Variants in LINGO2 observed in about 807,000 individuals in gnomAD.
LINGO2 encodes leucine rich repeat and Ig domain containing 2.
Under a neutral mutation model 30.6 loss-of-function variants are expected in LINGO2, and 14 were observed. The observed-to-expected ratio is 0.46, with a 90% confidence interval of 0.30 to 0.72. LINGO2 has a LOEUF of 0.72. Ranked by LOEUF, LINGO2 falls within the 30% of genes least tolerant of loss-of-function variation. The pLI is 0.07. For synonymous variants in LINGO2, 317 were observed against 288.5 expected (o/e 1.10, Z -1.00); for missense variants, 729 against 751.7 (o/e 0.97, Z 0.35).
At chr9:28,638,525 A>T (rs983367639) in intron 1 of LINGO2, among the ~76,000 whole-genome samples, 2 of 152,128 alleles carry the variant, frequency 1.3e-5, no homozygotes, top group Non-Finnish European at 2.9e-5. Context: ...CAGAGATTCA[A>T]CTGCTTCCTG....
intron 1 of LINGO2, among the ~76,000 whole-genome samples, chr9:28,565,505 T>A (rs765484124): frequency 4.0e-5 from 6 of 150,838 alleles, no homozygotes; most frequent in East Asian, 2.0e-4. Flanking sequence ...ATTTTTATTT[T>A]TTTTTTTTTA....
intron 2 of LINGO2, among the ~76,000 whole-genome samples, chr9:28,453,933 T>C (rs570208275): frequency 6.6e-6 from 1 of 152,172 alleles, no homozygotes; most frequent in South Asian, 2.1e-4. Flanking sequence ...ACCCATGCCT[T>C]TAATTTTTGC....
the LINGO2 span, among the ~76,000 whole-genome samples, chr9:28,937,689 C>T: frequency 2.0e-5 from 3 of 152,144 alleles, no homozygotes; most frequent in Admixed American, 2.0e-4. Flanking sequence ...CCCCTGAAAC[C>T]AGGAAGGAGA....
the LINGO2 span, among the ~76,000 whole-genome samples, chr9:28,690,777 A>AGATC: frequency 6.6e-6 from 1 of 152,164 alleles, no homozygotes; most frequent in East Asian, 1.9e-4. Flanking sequence ...TGAATCTTTC[A>AGATC]GATCCCTCAC....
the LINGO2 span, among the ~76,000 whole-genome samples, chr9:28,832,352 C>T: frequency 0.19 from 29,314 of 151,992 alleles, 2,977 homozygotes; most frequent in Non-Finnish European, 0.23. Context: ...GTTACAAATA[C>T]CTCATACCAC....
At chr9:29,100,948 G>C in the LINGO2 span, among the ~76,000 whole-genome samples, 3 of 152,116 alleles carry the variant, frequency 2.0e-5, no homozygotes, top group African/African-American at 7.2e-5. Context: ...TGCAAACAGA[G>C]GGCAAAGGTG....
chr9:28,985,270 T>C, the LINGO2 span, among the ~76,000 whole-genome samples: 10 of 152,266 alleles, frequency 6.6e-5, no homozygotes, highest in South Asian at 1.5e-3. Flanking sequence ...TATTCATCTG[T>C]TGATGAACAC....
chr9:28,048,181 A>G (rs1824511164), intron 4 of LINGO2, among the ~76,000 whole-genome samples: 1 of 150,958 alleles, frequency 6.6e-6, no homozygotes, highest in Non-Finnish European at 1.5e-5. Context: ...GGATTAAAAT[A>G]TAACAATTTA....
the LINGO2 span, among the ~76,000 whole-genome samples, chr9:29,154,869 T>C: frequency 6.6e-6 from 1 of 152,128 alleles, no homozygotes; most frequent in Non-Finnish European, 1.5e-5. Flanking sequence ...GATGTTACTG[T>C]CTCCTCTAGT....
At chr9:29,013,343 T>A in the LINGO2 span, among the ~76,000 whole-genome samples, 2 of 152,084 alleles carry the variant, frequency 1.3e-5, no homozygotes, top group Non-Finnish European at 2.9e-5. Flanking sequence ...ACTTTTCAGA[T>A]GCAACTTATA....
At chr9:28,004,230 T>C (rs939696433) in intron 5 of LINGO2, among the ~76,000 whole-genome samples, 5 of 150,834 alleles carry the variant, frequency 3.3e-5, no homozygotes, top group African/African-American at 1.2e-4. Flanking sequence ...CCATGATAAG[T>C]TTTTGATCTT....
At chr9:28,179,424 G>A (rs1349384956) in intron 4 of LINGO2, among the ~76,000 whole-genome samples, 1 of 130,748 alleles carries the variant, frequency 7.6e-6, no homozygotes. Flanking sequence ...CTATATGTAT[G>A]TATACTATAC....
intron 3 of LINGO2, among the ~76,000 whole-genome samples, chr9:28,325,153 C>T (rs1430271545): frequency 1.3e-5 from 2 of 150,870 alleles, no homozygotes; most frequent in East Asian, 3.9e-4. Context: ...CTTGACTAAA[C>T]TTTAGACAGG....
chr9:28,104,255 GTTTTTTGTTTGTTTTT>G (rs1362622899), intron 4 of LINGO2, among the ~76,000 whole-genome samples: 2 of 75,158 alleles, frequency 2.7e-5, no homozygotes, highest in Non-Finnish European at 5.6e-5. Context: ...CCCAGTACAA[GTTTTTTGTTTGTTTTT>G]TTTTTTTTTT....
chr9:28,010,782 G>A (rs1161244221), intron 5 of LINGO2, among the ~76,000 whole-genome samples: 1 of 152,146 alleles, frequency 6.6e-6, no homozygotes, highest in Non-Finnish European at 1.5e-5. Flanking sequence ...GTGAGACCCT[G>A]CCACTCCAAA....
intron 4 of LINGO2, chr9:28,080,824 T>C (rs1029192378): frequency 5.3e-5 from 8 of 152,174 alleles, no homozygotes; most frequent in African/African-American, 1.9e-4. Context: ...GTACTCTTAC[T>C]CAGTTAGGAC....
chr9:28,277,976 G>T (rs1354090435), intron 4 of LINGO2, among the ~76,000 whole-genome samples: 3 of 152,080 alleles, frequency 2.0e-5, no homozygotes, highest in African/African-American at 7.2e-5. Context: ...GAAAGTTCTT[G>T]AAGAAAATTA....
chr9:29,158,501 G>C, the LINGO2 span, among the ~76,000 whole-genome samples: 1 of 152,088 alleles, frequency 6.6e-6, no homozygotes, highest in African/African-American at 2.4e-5. Flanking sequence ...GAAAAGGTCT[G>C]AGTAGAACAT....
At chr9:29,211,147 G>A in the LINGO2 span, among the ~76,000 whole-genome samples, 2 of 152,004 alleles carry the variant, frequency 1.3e-5, no homozygotes, top group African/African-American at 4.8e-5. Flanking sequence ...ACCTTTCCAA[G>A]ACCCTGAAAC....
Sources: allele counts gnomAD v4.1 joint callset (sites outside exome capture counted in the v4.1 genomes callset), GRCh38; gene constraint gnomAD v4.1.1; transcripts MANE v1.5; gene names NCBI Gene and HGNC (gene_info 2026-07-23, HGNC 2026-07-21).